SGK3: variants seen among roughly 807,000 people sequenced by gnomAD.
The protein encoded by SGK3 is serum/glucocorticoid regulated kinase family member 3, also known as serine/threonine-protein kinase Sgk3.
Under a neutral mutation model 68.5 loss-of-function variants are expected in SGK3, and 47 were observed. The ratio of observed to expected loss-of-function variants is 0.69; its 90% CI spans 0.54 to 0.87. The LOEUF (loss-of-function observed/expected upper bound fraction) is 0.87. Among genes scored for constraint, SGK3 ranks in the 40% least tolerant of loss-of-function variants. The probability of loss-of-function intolerance (pLI) is 0.00; values close to 1 mark genes in which losing one functional copy is unlikely to be tolerated. For missense variants in SGK3, 479 were observed against 575.5 expected, an observed-to-expected ratio of 0.83 and a Z score of 1.72; for synonymous variants, 181 against 189.1, an observed-to-expected ratio of 0.96 and a Z score of 0.35.
intron 4 of SGK3, among the ~76,000 whole-genome samples, chr8:66,808,235 A>C (rs1252610582): frequency 1.3e-5 from 2 of 152,218 alleles, no homozygotes; most frequent in Non-Finnish European, 2.9e-5. Flanking sequence ...ATAAAAATGC[A>C]ATAACAAAGC....
intron 1 of SGK3, among the ~76,000 whole-genome samples, chr8:66,748,606 G>T (rs1805716588): frequency 6.6e-6 from 1 of 152,070 alleles, no homozygotes; most frequent in Non-Finnish European, 1.5e-5. Context: ...GTGCTCATTT[G>T]CTGGCGAGGA....
chr8:66,813,960 A>G (rs1416870844), intron 5 of SGK3, 32 bp downstream of exon 5: 2 of 1,525,704 alleles, frequency 1.3e-6, no homozygotes, highest in Non-Finnish European at 8.8e-7. Flanking sequence ...CTAAAGGGAC[A>G]TTAAAACTAA....
intron 16 of SGK3, among the ~76,000 whole-genome samples, chr8:66,852,504 C>T (rs1265963722): frequency 6.6e-6 from 1 of 152,032 alleles, no homozygotes; most frequent in African/African-American, 2.4e-5. Flanking sequence ...TGGTGTCGAT[C>T]TTTTGACCTC....
At chr8:66,840,422 A>T (rs78447282) in intron 12 of SGK3, among the ~76,000 whole-genome samples, 175 bp downstream of exon 12, 4,707 of 152,204 alleles carry the variant, frequency 0.031, 253 homozygotes, top group African/African-American at 0.11. Flanking sequence ...GTCCAAGGGG[A>T]TAGAGAGTGC....
chr8:66,788,721 G>C (rs930949914), intron 1 of SGK3, among the ~76,000 whole-genome samples: 2 of 152,174 alleles, frequency 1.3e-5, no homozygotes, highest in African/African-American at 4.8e-5. Context: ...TCTCTCACTT[G>C]AGGTGGGATA....
intron 1 of SGK3, among the ~76,000 whole-genome samples, chr8:66,731,406 A>G (rs1805147554): frequency 6.6e-6 from 1 of 152,232 alleles, no homozygotes; most frequent in Non-Finnish European, 1.5e-5. Context: ...ATAAATATGA[A>G]AATTCGTTAC....
intron 1 of SGK3, among the ~76,000 whole-genome samples, chr8:66,734,352 T>G (rs768189109): frequency 2.4e-4 from 36 of 151,878 alleles, no homozygotes; most frequent in Admixed American, 3.9e-4. Context: ...AATAATGCTA[T>G]GTGGAATTTT....
intron 1 of SGK3, among the ~76,000 whole-genome samples, chr8:66,759,576 G>C (rs111685650): frequency 0.13 from 19,544 of 151,624 alleles, 2,403 homozygotes; most frequent in African/African-American, 0.32. Flanking sequence ...GGACTACAGG[G>C]GTGCACCACC....
intron 3 of SGK3, among the ~76,000 whole-genome samples, chr8:66,799,867 G>A (rs151211698): frequency 0.022 from 3,298 of 152,112 alleles, 132 homozygotes; most frequent in African/African-American, 0.075. Flanking sequence ...CATGTGATCC[G>A]CCCACCTCGG....
chr8:66,853,941 C>T (rs1050974463), intron 16 of SGK3, among the ~76,000 whole-genome samples: 5 of 152,086 alleles, frequency 3.3e-5, no homozygotes, highest in East Asian at 1.9e-4. Context: ...TATACCATTT[C>T]GGAACAACCA....
chr8:66,759,973 T>G (rs73691582), intron 1 of SGK3, among the ~76,000 whole-genome samples: 19,411 of 152,146 alleles, frequency 0.13, 2,344 homozygotes, highest in African/African-American at 0.31. Context: ...ATCCTTTTTG[T>G]TGGCCACCAT....
intron 1 of SGK3, among the ~76,000 whole-genome samples, chr8:66,777,159 C>T (rs1468110238): frequency 6.6e-6 from 1 of 152,152 alleles, no homozygotes; most frequent in East Asian, 1.9e-4. Context: ...GCTGACTCTT[C>T]CCCAACTTTT....
At chr8:66,817,755 GT>G (rs1808653018) in intron 5 of SGK3, among the ~76,000 whole-genome samples, 1 of 152,124 alleles carries the variant, frequency 6.6e-6, no homozygotes, top group African/African-American at 2.4e-5. Context: ...ATGAAAAAGG[GT>G]TTTCTGAGCA....
chr8:66,716,850 G>A (rs1804647343), intron 1 of SGK3, among the ~76,000 whole-genome samples: 1 of 152,156 alleles, frequency 6.6e-6, no homozygotes, highest in African/African-American at 2.4e-5. Context: ...GTGCAGAAGT[G>A]TTCTTGTAGG....
At chr8:66,805,777 C>T (rs1468058146) in intron 4 of SGK3, among the ~76,000 whole-genome samples, 1 of 152,150 alleles carries the variant, frequency 6.6e-6, no homozygotes, top group Non-Finnish European at 1.5e-5. Flanking sequence ...GCCCTCCTTC[C>T]CCAACTAATT....
At chr8:66,810,705 G>A (rs951149586) in intron 4 of SGK3, among the ~76,000 whole-genome samples, 7 of 152,046 alleles carry the variant, frequency 4.6e-5, no homozygotes, top group African/African-American at 1.4e-4. Flanking sequence ...CCGTCTCAAC[G>A]AAAATAAATA....
chr8:66,727,771 G>A (rs1384480888), intron 1 of SGK3, among the ~76,000 whole-genome samples: 3 of 152,180 alleles, frequency 2.0e-5, no homozygotes, highest in Non-Finnish European at 4.4e-5. Flanking sequence ...CTAGAACTGT[G>A]AGACATAAAT....
intron 8 of SGK3, among the ~76,000 whole-genome samples, chr8:66,835,345 G>A (rs903094819): frequency 1.3e-5 from 2 of 152,126 alleles, no homozygotes; most frequent in Non-Finnish European, 2.9e-5. Flanking sequence ...TTTAAAACCT[G>A]TTAAGAAAAA....
chr8:66,744,707 T>C (rs1385684842), intron 1 of SGK3, among the ~76,000 whole-genome samples: 1 of 150,836 alleles, frequency 6.6e-6, no homozygotes, highest in Admixed American at 6.6e-5. Context: ...GGTTTCACCA[T>C]GTTGGCCAGG....
Sources: gnomAD v4.1 joint callset for allele counts (sites outside exome capture counted in the v4.1 genomes callset) on GRCh38, gnomAD v4.1.1 for gene constraint, MANE v1.5 for transcripts, NCBI Gene and HGNC (gene_info 2026-07-23, HGNC 2026-07-21) for gene names.